DNAJB4: variants seen among roughly 807,000 people sequenced by gnomAD.
DNAJB4 encodes the protein DnaJ heat shock protein family (Hsp40) member B4, also known as dnaJ homolog subfamily B member 4.
In DNAJB4, 10 loss-of-function variants were observed where a neutral mutation model predicts 26.6. That is an observed-to-expected ratio of 0.38 (90% confidence interval 0.23 to 0.64). The LOEUF is 0.64. DNAJB4 is among the 30% of genes least tolerant of loss of function. DNAJB4 has a pLI of 0.58. For missense variants in DNAJB4, 328 were observed against 408.2 expected, an observed-to-expected ratio of 0.80 and a Z score of 1.69; for synonymous variants, 136 against 134.8, an observed-to-expected ratio of 1.01 and a Z score of -0.06.
At chr1:77,992,847 C>T (rs1659968832) in intron 1 of DNAJB4, 2 of 152,138 alleles carry the variant, frequency 1.3e-5, no homozygotes, top group Admixed American at 1.3e-4. Context: ...CTTCAGCCTC[C>T]CGAGTAGCTG....
intron 2 of DNAJB4, among the ~76,000 whole-genome samples, chr1:78,014,332 T>A (rs1310587813): frequency 1.3e-5 from 2 of 152,150 alleles, no homozygotes; most frequent in East Asian, 3.9e-4. Context: ...GGTCTTGAAT[T>A]CCTGACCTCA....
rs1285272534 is a variant in DNAJB4, at chr1:78,013,565, A to G, written c.726A>G (p.Lys242=). The change falls in exon 2 of 3, where the codon AAA becomes AAG. Residue 242 remains lysine, a synonymous_variant. Transcript: ENST00000370763. ...VFIIKDKDHP[K]FKRDGSNIIY... is the part of the protein sequence containing the mutation. ...TCATTAAAGACAAAGATCATCCAAA[A>G]TTTAAAAGGGATGGATCAAATATAA... 1.2e-6 allele frequency: 2 copies of G among 1,609,706 alleles called. No individual in the cohort carries two copies. Among genetic ancestry groups the G allele is most frequent in the South Asian group, 1.1e-5 (1 of 90,278 alleles).
chr1:78,003,154 T>A (rs894282831), upstream of DNAJB4, among the ~76,000 whole-genome samples: 1 of 152,154 alleles, frequency 6.6e-6, no homozygotes, highest in African/African-American at 2.4e-5. Flanking sequence ...AATAGGTGAT[T>A]TTTATTCTGT....
chr1:78,015,943 T>G, intron 2 of DNAJB4, 71 bp from the exon 3 acceptor site: 1 of 1,248,668 alleles, frequency 8.0e-7, no homozygotes, highest in Non-Finnish European at 1.1e-6. Context: ...TCCTTTACCA[T>G]CTGGTAAAAT....
At chr1:77,994,377 G>T (rs1369449970) in intron 1 of DNAJB4, among the ~76,000 whole-genome samples, 1 of 145,610 alleles carries the variant, frequency 6.9e-6, no homozygotes, top group East Asian at 2.0e-4. Flanking sequence ...TAGCCTGGGT[G>T]ACAGAGCAAG....
intron 1 of DNAJB4, among the ~76,000 whole-genome samples, chr1:77,987,286 GAGAC>G (rs1398132751): frequency 6.6e-6 from 1 of 152,070 alleles, no homozygotes; most frequent in Non-Finnish European, 1.5e-5. Flanking sequence ...TCTCTTTTAA[GAGAC>G]AGGATCTCTG....
upstream of DNAJB4, among the ~76,000 whole-genome samples, chr1:78,001,345 GAA>G (rs10707731): frequency 5.9e-3 from 850 of 143,260 alleles, 3 homozygotes; most frequent in Middle Eastern, 0.021. Flanking sequence ...TCTCAAAAAA[GAA>G]AAAAAAAAAA....
rs1403543141 is a variant in DNAJB4, at chr1:77,990,141, A to G, written c.-32+9819A>G. On this transcript the variant is annotated intron_variant, in intron 1 of 2. Coordinates refer to the DNAJB4 transcript ENST00000426517. The stretch of plus-strand genomic sequence containing the variant: ...GGGAGAAGATATCTGTTAGCTAGAA[A>G]GAAGATATGAATGGTTCTTTGGTAT... Among the ~76,000 whole-genome samples the G allele has an allele frequency of 3.9e-5, 6 of 152,236 alleles. No homozygotes were observed. The East Asian group carries it at 1.2e-3, about 29-fold the overall frequency.
intron 1 of DNAJB4, among the ~76,000 whole-genome samples, chr1:77,993,449 G>T (rs546117359): frequency 6.6e-6 from 1 of 152,200 alleles, no homozygotes; most frequent in Non-Finnish European, 1.5e-5. Flanking sequence ...AAGTAGCTGG[G>T]ACTACAAGTG....
chr1:77,986,429 T>C (rs1444481128), intron 1 of DNAJB4, among the ~76,000 whole-genome samples: 3 of 152,230 alleles, frequency 2.0e-5, no homozygotes, highest in Non-Finnish European at 4.4e-5. Flanking sequence ...GTTTGTTTCC[T>C]AATGTACTTC....
chr1:77,995,809 G>A (rs1213560401), intron 1 of DNAJB4, among the ~76,000 whole-genome samples: 1 of 152,136 alleles, frequency 6.6e-6, no homozygotes, highest in Admixed American at 6.5e-5. Context: ...AGCTGGGTGT[G>A]GTGGCACATG....
chr1:78,009,107 A>T (rs1222388829), intron 1 of DNAJB4, among the ~76,000 whole-genome samples: 4 of 151,910 alleles, frequency 2.6e-5, no homozygotes, highest in African/African-American at 9.7e-5. Context: ...AGCTAGCTGG[A>T]TTTTTTTTAA....
chr1:77,991,291 C>G (rs571734734), intron 1 of DNAJB4, among the ~76,000 whole-genome samples: 1 of 152,120 alleles, frequency 6.6e-6, no homozygotes, highest in African/African-American at 2.4e-5. Context: ...GCAGAAGATT[C>G]TCAGTAATGA....
intron 1 of DNAJB4, among the ~76,000 whole-genome samples, chr1:78,011,111 T>C (rs557571035): frequency 6.6e-6 from 1 of 152,332 alleles, no homozygotes; most frequent in South Asian, 2.1e-4. Context: ...ATCACCATAC[T>C]GTTGTTTTTT....
At chr1:78,011,869 C>T (rs866631295) in intron 1 of DNAJB4, among the ~76,000 whole-genome samples, 5 of 150,558 alleles carry the variant, frequency 3.3e-5, no homozygotes, top group African/African-American at 1.2e-4. Flanking sequence ...TATATTTTTA[C>T]ATATTTCTAT....
chr1:77,980,327 A>AT, intron 1 of DNAJB4: 1 of 112,926 alleles, frequency 8.9e-6, no homozygotes, highest in Non-Finnish European at 1.8e-5. Flanking sequence ...GACTAGGTAT[A>AT]TATATATATA....
chr1:77,980,586 G>A (rs1659571031), intron 1 of DNAJB4, among the ~76,000 whole-genome samples: 2 of 152,124 alleles, frequency 1.3e-5, no homozygotes, highest in South Asian at 4.2e-4. Context: ...AACAAACAAT[G>A]AGGTAAAATG....
chr1:78,014,732 C>T (rs1660587824), intron 2 of DNAJB4, among the ~76,000 whole-genome samples: 1 of 152,076 alleles, frequency 6.6e-6, no homozygotes, highest in African/African-American at 2.4e-5. Context: ...TCCTGAGTAG[C>T]TGGGATTACA....
chr1:77,991,045 C>T (rs754184615), intron 1 of DNAJB4, among the ~76,000 whole-genome samples: 6 of 151,832 alleles, frequency 4.0e-5, no homozygotes, highest in African/African-American at 4.8e-5. Context: ...GCTCAAGGTC[C>T]GGGGAATCTA....
Sources: allele counts gnomAD v4.1 joint callset (sites outside exome capture counted in the v4.1 genomes callset), GRCh38; gene constraint gnomAD v4.1.1; transcripts MANE v1.5; gene names NCBI Gene and HGNC (gene_info 2026-07-23, HGNC 2026-07-21).